The following CNTN5 variants were observed in gnomAD, a reference collection of about 807,000 sequenced individuals.
The protein encoded by CNTN5 is contactin-5.
CNTN5 carries 77 observed loss-of-function variants against 129.1 expected under a neutral mutation model. The ratio of observed to expected loss-of-function variants is 0.60; its 90% confidence interval spans 0.50 to 0.72. CNTN5 has a LOEUF of 0.72. Ranked by LOEUF, CNTN5 falls within the 30% of genes least tolerant of loss-of-function variation. The pLI is 0.00. For missense variants in CNTN5, 1,478 were observed against 1,328.8 expected (o/e 1.11, Z -1.75); for synonymous variants, 509 against 465.6 (o/e 1.09, Z -1.20).
intron 8 of CNTN5, among the ~76,000 whole-genome samples, chr11:99,970,663 G>T (rs774714341): frequency 2.0e-5 from 3 of 152,162 alleles, no homozygotes; most frequent in Non-Finnish European, 2.9e-5. Context: ...TTTTACTTGT[G>T]CATGTGTTGC....
intron 18 of CNTN5, among the ~76,000 whole-genome samples, chr11:100,276,715 C>G (rs1180450561): frequency 6.6e-6 from 1 of 151,952 alleles, no homozygotes; most frequent in African/African-American, 2.4e-5. Flanking sequence ...TTTGGGGTTA[C>G]ATGAGATATT....
intron 8 of CNTN5, among the ~76,000 whole-genome samples, chr11:99,998,589 T>A (rs1320402045): frequency 7.4e-6 from 1 of 135,156 alleles, no homozygotes; most frequent in East Asian, 2.4e-4. Context: ...CCCAAGGTAA[T>A]TTACAGATTC....
chr11:99,644,938 TTTAACA>T (rs946540022), intron 3 of CNTN5, among the ~76,000 whole-genome samples: 4 of 151,804 alleles, frequency 2.6e-5, no homozygotes, highest in African/African-American at 9.7e-5. Context: ...GTTTCCAAAC[TTTAACA>T]TTAAGAAACA....
intron 4 of CNTN5, among the ~76,000 whole-genome samples, chr11:99,833,615 T>C (rs1271701255): frequency 1.3e-5 from 2 of 152,200 alleles, no homozygotes; most frequent in African/African-American, 2.4e-5. Context: ...TTTTGAATTA[T>C]AATATTTTAA....
intron 21 of CNTN5, among the ~76,000 whole-genome samples, chr11:100,328,948 A>G (rs1951844510): frequency 6.6e-6 from 1 of 152,172 alleles, no homozygotes; most frequent in South Asian, 2.1e-4. Flanking sequence ...AAGGAACTGG[A>G]TCACCACTGA....
intron 2 of CNTN5, among the ~76,000 whole-genome samples, chr11:99,354,099 C>T (rs1174753825): frequency 1.3e-5 from 2 of 152,122 alleles, no homozygotes; most frequent in Admixed American, 6.5e-5. Context: ...AACGTGATAC[C>T]TCCCTTAACT....
Position 99,810,091 on chromosome 11 carries a change from AAACTT to A in CNTN5, c.56-9449_56-9445del, listed in dbSNP as rs374429763. On this transcript the variant is annotated intron_variant, in intron 3 of 24. Coordinates refer to ENST00000524871, the MANE Select transcript of CNTN5 (RefSeq NM_014361.4). ...GCATCATAACACTATAGGTTTTTAA[AAACTT>A]AACAGCCATGAAAAAATACAAAACA... 5.3e-4 allele frequency among the ~76,000 whole-genome samples: 81 copies of A among 152,260 alleles called. No homozygotes were observed. In the East Asian group the frequency reaches 0.013, roughly 25 times the overall value.
At chr11:99,897,198 A>G (rs934128270) in intron 6 of CNTN5, among the ~76,000 whole-genome samples, 1 of 152,204 alleles carries the variant, frequency 6.6e-6, no homozygotes, top group Non-Finnish European at 1.5e-5. Flanking sequence ...AATTCCTAAG[A>G]GAGAAAAAGA....
chr11:99,194,924 T>C (rs1242368759), intron 1 of CNTN5, among the ~76,000 whole-genome samples: 1 of 152,122 alleles, frequency 6.6e-6, no homozygotes, highest in Non-Finnish European at 1.5e-5. Context: ...TTGTTTTAGA[T>C]TAGCTAAATG....
chr11:99,436,539 A>G lies in CNTN5; in HGVS notation c.-71+111055A>G, dbSNP rs548049059. ...TCCCCATCTTGTATCTATTCTTTCA[A>G]AGTAATTGGTGTTCATCTCAAGATC... On this transcript the variant is annotated intron_variant, in intron 2 of 24. Transcript: ENST00000524871. Among the ~76,000 whole-genome samples, 26 of 152,190 alleles carry G rather than the reference A, an allele frequency of 1.7e-4. No homozygotes were observed. In the South Asian group the frequency reaches 4.8e-3, roughly 28 times the overall value.
intron 2 of CNTN5, among the ~76,000 whole-genome samples, chr11:99,397,494 T>A (rs906433271): frequency 6.6e-6 from 1 of 151,844 alleles, no homozygotes; most frequent in Non-Finnish European, 1.5e-5. Context: ...TGTACAGATT[T>A]TTTTCCTCCA....
intron 9 of CNTN5, among the ~76,000 whole-genome samples, chr11:100,029,439 C>T (rs538758395): frequency 6.1e-4 from 93 of 152,018 alleles, no homozygotes; most frequent in African/African-American, 2.0e-3. Context: ...AAAAATTAGC[C>T]GGGCGAGGTG....
At chr11:99,405,210 G>A (rs558625329) in intron 2 of CNTN5, among the ~76,000 whole-genome samples, 2 of 152,092 alleles carry the variant, frequency 1.3e-5, no homozygotes, top group Admixed American at 6.5e-5. Context: ...GCTTCTTTGA[G>A]TTAAATCTGC....
At chr11:99,175,878 A>T (rs964755368) in intron 1 of CNTN5, among the ~76,000 whole-genome samples, 1 of 152,156 alleles carries the variant, frequency 6.6e-6, no homozygotes, top group African/African-American at 2.4e-5. Context: ...CATGATGGGT[A>T]TATTACATAC....
At chr11:99,643,793 T>C (rs608626) in intron 3 of CNTN5, among the ~76,000 whole-genome samples, 91,313 of 151,842 alleles carry the variant, frequency 0.6, 28,291 homozygotes, top group Admixed American at 0.69. Context: ...CAGTAACATA[T>C]ATTTAGAAAA....
rs550957902 is a variant in CNTN5, at chr11:99,913,845, T to C, written c.578-2209T>C. Among the ~76,000 whole-genome samples, 5 of 152,200 alleles carry C rather than the reference T, an allele frequency of 3.3e-5. No individual in the cohort carries two copies. The South Asian group carries it at 1.0e-3, about 32-fold the overall frequency. On this transcript the variant is annotated intron_variant, in intron 6 of 24. Transcript: ENST00000524871. ...AAATGGATTGAAATGGATATTTATG[T>C]TTTAGAGACCATTTTAAAAATTCAG...
intron 3 of CNTN5, among the ~76,000 whole-genome samples, chr11:99,583,952 C>T (rs768765696): frequency 2.6e-4 from 40 of 152,070 alleles, no homozygotes; most frequent in African/African-American, 8.5e-4. Context: ...TGTTTGTATT[C>T]GGCCATCTTG....
intron 8 of CNTN5, among the ~76,000 whole-genome samples, chr11:99,982,764 C>G (rs970427442): frequency 6.6e-6 from 1 of 152,074 alleles, no homozygotes; most frequent in Non-Finnish European, 1.5e-5. Flanking sequence ...CCTCTGCCTC[C>G]CGAGTAGGTG....
intron 3 of CNTN5, among the ~76,000 whole-genome samples, chr11:99,694,514 T>A (rs1300435949): frequency 6.6e-6 from 1 of 152,156 alleles, no homozygotes; most frequent in Non-Finnish European, 1.5e-5. Context: ...AAATACGTAG[T>A]CACCACTTTT....
Sources: allele counts gnomAD v4.1 joint callset (sites outside exome capture counted in the v4.1 genomes callset), GRCh38; gene constraint gnomAD v4.1.1; transcripts MANE v1.5; gene names NCBI Gene and HGNC (gene_info 2026-07-23, HGNC 2026-07-21).